ITGB1: variants seen among roughly 807,000 people sequenced by gnomAD.
ITGB1 encodes integrin subunit beta 1.
ITGB1 carries 24 observed loss-of-function variants against 86.5 expected under a neutral mutation model. That is an observed-to-expected ratio of 0.28 (90% CI 0.20 to 0.39). The LOEUF is 0.39. ITGB1 is among the 10% of genes least tolerant of loss of function. The probability of loss-of-function intolerance (pLI) is 1.00; values close to 1 mark genes in which losing one functional copy is unlikely to be tolerated. For synonymous variants in ITGB1, 323 were observed against 316.8 expected (o/e 1.02, Z -0.21); for missense variants, 556 against 946.9 (o/e 0.59, Z 5.42).
intron 6 of ITGB1, 98 bp downstream of exon 6, chr10:32,925,773 A>T (rs899963951): frequency 2.5e-6 from 2 of 791,912 alleles, no homozygotes; most frequent in East Asian, 4.9e-5. Context: ...AATCTATGAA[A>T]ATTAAGGTCA....
At position 32,926,115 on chromosome 10, in the gene ITGB1, A is replaced by C; in HGVS notation, c.548-6T>G. 6.3e-7 allele frequency: 1 copy of C among 1,596,924 alleles called. No individual in the cohort carries two copies. The highest frequency in any genetic ancestry group is 8.6e-7 in the Non-Finnish European group (1 of 1,164,604). On this transcript the variant is annotated splice_region_variant and splice_polypyrimidine_tract_variant and intron_variant, in intron 5 of 15. Transcript: ENST00000302278. ...TTCCACAAATGAGCCAAATCCTGCC[A>C]AGAAAAAAATGGTACATAAATGAAT...
chr10:32,905,968 A>G (rs1294643574), intron 15 of ITGB1, among the ~76,000 whole-genome samples: 1 of 152,228 alleles, frequency 6.6e-6, no homozygotes, highest in African/African-American at 2.4e-5. Context: ...TGATTTTATT[A>G]GAATATGCTG....
intron 1 of ITGB1, among the ~76,000 whole-genome samples, chr10:32,947,911 G>C (rs966415212): frequency 2.0e-5 from 3 of 152,102 alleles, no homozygotes; most frequent in African/African-American, 4.8e-5. Context: ...CTGGCCAATT[G>C]TAAGTACCTG....
At chr10:32,936,654 A>G (rs1447917484) in intron 1 of ITGB1, among the ~76,000 whole-genome samples, 1 of 152,178 alleles carries the variant, frequency 6.6e-6, no homozygotes, top group African/African-American at 2.4e-5. Context: ...CATTAGGTAC[A>G]TATATAACTA....
At chr10:32,958,033 G>A (rs1406869606) in intron 1 of ITGB1, 112 bp downstream of exon 1, 1 of 78,172 alleles carries the variant, frequency 1.3e-5, no homozygotes, top group African/African-American at 4.7e-5. Flanking sequence ...CCACCCCCAC[G>A]CCCGGCACAA....
At chr10:32,924,760 C>G (rs2094959930) in intron 6 of ITGB1, among the ~76,000 whole-genome samples, 1 of 152,204 alleles carries the variant, frequency 6.6e-6, no homozygotes, top group Admixed American at 6.5e-5. Context: ...TCGGCTATAA[C>G]AGCAGGGACT....
intron 4 of ITGB1, among the ~76,000 whole-genome samples, chr10:32,928,946 T>C (rs1173869618): frequency 6.6e-6 from 1 of 151,982 alleles, no homozygotes; most frequent in Non-Finnish European, 1.5e-5. Context: ...TTTCTCTATA[T>C]AGATTTCTAA....
intron 3 of ITGB1, among the ~76,000 whole-genome samples, 161 bp from the exon 4 acceptor site, chr10:32,930,205 G>GT (rs1475738365): frequency 1.3e-5 from 2 of 152,096 alleles, no homozygotes; most frequent in African/African-American, 4.8e-5. Context: ...CCAAACTGTG[G>GT]TAAGTGTTCT....
intron 4 of ITGB1, 119 bp downstream of exon 4, chr10:32,929,703 T>A (rs1287423930): frequency 1.5e-6 from 1 of 674,178 alleles, no homozygotes; most frequent in Admixed American, 2.4e-5. Context: ...TCCACATTTT[T>A]GAGTGCCAGT....
intron 1 of ITGB1, among the ~76,000 whole-genome samples, chr10:32,939,516 A>G (rs537991749): frequency 6.6e-6 from 1 of 152,342 alleles, no homozygotes; most frequent in East Asian, 1.9e-4. Flanking sequence ...TATTGCCCCT[A>G]GGCTACACAC....
chr10:32,903,511 TA>T lies in ITGB1; in HGVS notation c.2332-1877del, dbSNP rs1464825933. 3.9e-5 allele frequency among the ~76,000 whole-genome samples: 6 copies of T among 152,042 alleles called. No homozygotes were observed. In the East Asian group the frequency reaches 1.2e-3, roughly 29 times the overall value. On this transcript the variant is annotated intron_variant, in intron 15 of 15. Coordinates refer to ENST00000302278, the MANE Select transcript of ITGB1 (RefSeq NM_002211.4). ...CCAATGAGGGAAAAACATTAACATA[TA>T]AAGGCTGGGTCCTGCAAGACACCAA...
chr10:32,932,477 A>C, intron 3 of ITGB1, 38 bp downstream of exon 3: 3 of 1,142,158 alleles, frequency 2.6e-6, no homozygotes, highest in Non-Finnish European at 4.0e-6. Flanking sequence ...CTAAATGACC[A>C]GAGAACAAAT....
At chr10:32,918,686 A>C (rs754199092) in intron 11 of ITGB1, among the ~76,000 whole-genome samples, 14 of 152,190 alleles carry the variant, frequency 9.2e-5, no homozygotes, top group Non-Finnish European at 1.9e-4. Flanking sequence ...GGCAGAATAA[A>C]CTTAATTTTA....
At chr10:32,933,288 C>T (rs1565828524) in intron 2 of ITGB1, 1 of 152,136 alleles carries the variant, frequency 6.6e-6, no homozygotes, top group Non-Finnish European at 1.5e-5. Flanking sequence ...TCATAAATGT[C>T]ATGAGTTCTC....
At chr10:32,907,797 T>C (rs992007430) in intron 15 of ITGB1, among the ~76,000 whole-genome samples, 1 of 152,034 alleles carries the variant, frequency 6.6e-6, no homozygotes, top group South Asian at 2.1e-4. Flanking sequence ...ACACATAAAA[T>C]ACACTAACGA....
chr10:32,917,466 A>G (rs1170356597), intron 11 of ITGB1, among the ~76,000 whole-genome samples: 1 of 152,228 alleles, frequency 6.6e-6, no homozygotes, highest in East Asian at 1.9e-4. Context: ...TAATATCCAG[A>G]ATCTACAAAG....
At chr10:32,906,539 G>A in intron 15 of ITGB1, 1 of 216,338 alleles carries the variant, frequency 4.6e-6, no homozygotes, top group Non-Finnish European at 9.9e-6. Flanking sequence ...GCAGTGAGCT[G>A]ATATCACACC....
At chr10:32,927,288 T>G (rs1239957901) in intron 5 of ITGB1, among the ~76,000 whole-genome samples, 2 of 152,168 alleles carry the variant, frequency 1.3e-5, no homozygotes, top group African/African-American at 4.8e-5. Flanking sequence ...AATATTCTGT[T>G]GCTAAACCTC....
intron 15 of ITGB1, chr10:32,906,538 T>C (rs1353845372): frequency 1.4e-5 from 3 of 216,722 alleles, no homozygotes; most frequent in South Asian, 9.3e-5. Flanking sequence ...TGCAGTGAGC[T>C]GATATCACAC....
Sources: gnomAD v4.1 joint callset for allele counts (sites outside exome capture counted in the v4.1 genomes callset) on GRCh38, gnomAD v4.1.1 for gene constraint, MANE v1.5 for transcripts, NCBI Gene and HGNC (gene_info 2026-07-23, HGNC 2026-07-21) for gene names.